Variants in RP1 observed in about 807,000 individuals in gnomAD.
RP1 encodes the protein RP1 axonemal microtubule associated.
In RP1, 16 loss-of-function variants were observed where a neutral mutation model predicts 14.8. That is an observed-to-expected ratio of 1.08 (90% confidence interval 0.73 to 1.65). The LOEUF (loss-of-function observed/expected upper bound fraction) is 1.65. RP1 is among the 40% of genes most tolerant of loss of function. The probability of loss-of-function intolerance (pLI) is 0.00; values close to 1 mark genes in which losing one functional copy is unlikely to be tolerated. For synonymous variants in RP1, 876 were observed against 883.6 expected (o/e 0.99, Z 0.15); for missense variants, 2,631 against 2,535.0 (o/e 1.04, Z -0.81).
chr8:54,865,042 T>G (rs1397010600), intron 27 of RP1, among the ~76,000 whole-genome samples: 1 of 152,162 alleles, frequency 6.6e-6, no homozygotes, highest in Non-Finnish European at 1.5e-5. Context: ...TTAGATGATT[T>G]TTCTATAAAT....
At chr8:54,652,801 G>T in exon 5 of RP1, 1 of 1,535,678 alleles carries the variant, frequency 6.5e-7, no homozygotes, top group Non-Finnish European at 8.7e-7. Context: ...AGACATTGGA[G>T]CACTCTTTAA....
chr8:54,731,779 C>T (rs939480821), intron 17 of RP1, among the ~76,000 whole-genome samples: 9 of 152,184 alleles, frequency 5.9e-5, no homozygotes, highest in Non-Finnish European at 1.2e-4. Flanking sequence ...CATTCATGCA[C>T]GGACATGGAA....
At chr8:54,645,840 T>A (rs1806539185) in intron 3 of RP1, among the ~76,000 whole-genome samples, 1 of 152,202 alleles carries the variant, frequency 6.6e-6, no homozygotes, top group South Asian at 2.1e-4. Flanking sequence ...TATAAATTTA[T>A]TGTTTTTTTT....
intron 19 of RP1, among the ~76,000 whole-genome samples, chr8:54,742,656 A>G (rs1218004622): frequency 2.0e-5 from 3 of 152,222 alleles, no homozygotes; most frequent in Non-Finnish European, 4.4e-5. Context: ...GAGAAAAGCA[A>G]TGACCTTTTA....
At chr8:54,831,502 G>A (rs1364325234) in intron 24 of RP1, among the ~76,000 whole-genome samples, 1 of 141,772 alleles carries the variant, frequency 7.1e-6, no homozygotes, top group African/African-American at 2.6e-5. Flanking sequence ...ATTACAATAT[G>A]CATTCTTATC....
chr8:54,783,700 A>T (rs749245699), exon 24 of RP1: 2 of 1,230,704 alleles, frequency 1.6e-6, no homozygotes, highest in African/African-American at 3.1e-5. Context: ...AACACTGCAG[A>T]TATATTCAAG....
intron 24 of RP1, among the ~76,000 whole-genome samples, chr8:54,800,849 C>T (rs1294863211): frequency 6.6e-6 from 1 of 152,094 alleles, no homozygotes; most frequent in East Asian, 1.9e-4. Context: ...ATATCTGAGT[C>T]TGATTTTGAT....
At position 54,692,444 on chromosome 8, in the gene RP1, C is replaced by G. The variant is rs13256954; in HGVS notation, c.1718-7023C>G. Among the ~76,000 whole-genome samples, 10 of 42,070 alleles carry G rather than the reference C, an allele frequency of 2.4e-4. 4 individuals carry two copies. The highest frequency in any genetic ancestry group is 1.7e-3 in the African/African-American group (5 of 3,018). 27.6% of individuals were successfully genotyped at this position (42,070 alleles called of 152,430 possible). On this transcript the variant is annotated intron_variant, in intron 12 of 22. Coordinates refer to the RP1 transcript ENST00000636932. The stretch of plus-strand genomic sequence containing the variant: ...TTACAGTCCCAGTAACAGTGTAAAA[C>G]TATTCCTATTTCTCCACATCCTCTC...
intron 19 of RP1, among the ~76,000 whole-genome samples, chr8:54,740,219 T>C (rs569330656): frequency 2.1e-4 from 32 of 150,506 alleles, no homozygotes; most frequent in African/African-American, 7.5e-4. Flanking sequence ...TTTCAAGAAG[T>C]GTTCCAGAAG....
chr8:54,633,593 CAG>C (rs933478140), downstream of RP1, among the ~76,000 whole-genome samples: 4 of 151,946 alleles, frequency 2.6e-5, no homozygotes, highest in African/African-American at 9.7e-5. Flanking sequence ...GTTTGGCACA[CAG>C]TGTTAAACAT....
At chr8:54,676,376 T>A (rs1219722309) in intron 8 of RP1, among the ~76,000 whole-genome samples, 2 of 152,222 alleles carry the variant, frequency 1.3e-5, no homozygotes, top group African/African-American at 4.8e-5. Context: ...AAGAAACCAC[T>A]TGAAGAACCT....
intron 6 of RP1, among the ~76,000 whole-genome samples, chr8:54,660,603 T>C (rs546794245): frequency 2.6e-5 from 4 of 152,180 alleles, no homozygotes. Context: ...TCCTACTGAC[T>C]TTGATGAGGT....
chr8:54,691,411 G>T (rs1807705175), intron 12 of RP1, among the ~76,000 whole-genome samples: 1 of 152,082 alleles, frequency 6.6e-6, no homozygotes, highest in African/African-American at 2.4e-5. Context: ...GAAGGATTTA[G>T]AAGGATTAGA....
At chr8:54,758,106 A>G (rs947016828) in intron 21 of RP1, among the ~76,000 whole-genome samples, 5 of 152,194 alleles carry the variant, frequency 3.3e-5, no homozygotes, top group African/African-American at 1.2e-4. Flanking sequence ...TACTAGAGTA[A>G]CATTTTTTAC....
chr8:54,656,135 G>A (rs1201392916), exon 6 of RP1: 2 of 1,535,392 alleles, frequency 1.3e-6, no homozygotes, highest in Admixed American at 2.0e-5. Flanking sequence ...CCTGTTCAAC[G>A]ATGGTTGGCA....
At chr8:54,591,669 A>G (rs1805045027) in intron 1 of RP1, among the ~76,000 whole-genome samples, 1 of 152,164 alleles carries the variant, frequency 6.6e-6, no homozygotes, top group African/African-American at 2.4e-5. Context: ...TACTAAAACA[A>G]ACATTTATTG....
chr8:54,824,448 C>A (rs34652537), intron 24 of RP1, among the ~76,000 whole-genome samples: 47,765 of 151,822 alleles, frequency 0.31, 7,632 homozygotes, highest in South Asian at 0.37. Flanking sequence ...AAGAATCTGT[C>A]GGCCCATAGA....
Position 54,810,178 on chromosome 8 carries a change from T to TA in RP1, c.3615+26474dup, listed in dbSNP as rs1196437305. Among the ~76,000 whole-genome samples, 3 of 152,210 alleles carry TA rather than the reference T, an allele frequency of 2.0e-5. No individual in the cohort carries two copies. The East Asian group carries it at 5.8e-4, about 29-fold the overall frequency. On this transcript the variant is annotated intron_variant, in intron 24 of 28. Transcript: ENST00000637698. Reference sequence around the variant, plus strand: ...GCACCAGCATGAACTTATTTTAGAATAAAAAAGATACTAAACAATGTTTCA... The same window carrying TA: ...GCACCAGCATGAACTTATTTTAGAATAAAAAAAGATACTAAACAATGTTTCA...
intron 12 of RP1, among the ~76,000 whole-genome samples, chr8:54,680,676 G>A (rs1444323610): frequency 1.3e-5 from 2 of 152,218 alleles, no homozygotes; most frequent in East Asian, 1.9e-4. Context: ...ATAAATGTCT[G>A]GGCCGGGTGT....
Sources: gnomAD v4.1 joint callset for allele counts (sites outside exome capture counted in the v4.1 genomes callset) on GRCh38, gnomAD v4.1.1 for gene constraint, MANE v1.5 for transcripts, NCBI Gene and HGNC (gene_info 2026-07-23, HGNC 2026-07-21) for gene names.